The following PLEKHA6 variants were observed in gnomAD, a reference collection of about 807,000 sequenced individuals.
PLEKHA6 encodes the protein pleckstrin homology domain-containing family A member 6.
Under a neutral mutation model 116.7 loss-of-function variants are expected in PLEKHA6, and 60 were observed. The observed-to-expected ratio is 0.51, with a 90% CI of 0.42 to 0.64. PLEKHA6 has a LOEUF of 0.64. PLEKHA6 is among the 30% of genes least tolerant of loss of function. The pLI is 0.00. For missense variants in PLEKHA6, 1,338 were observed against 1,422.7 expected (o/e 0.94, Z 0.96); for synonymous variants, 489 against 556.1 (o/e 0.88, Z 1.70).
chr1:204,281,551 C>T (rs1355868208), intron 1 of PLEKHA6, among the ~76,000 whole-genome samples: 1 of 151,280 alleles, frequency 6.6e-6, no homozygotes, highest in Non-Finnish European at 1.5e-5. Flanking sequence ...CAGAGTAAGA[C>T]CCCTGTCTCT....
chr1:204,340,313 T>C (rs1268639340), intron 1 of PLEKHA6, among the ~76,000 whole-genome samples: 1 of 152,162 alleles, frequency 6.6e-6, no homozygotes, highest in East Asian at 1.9e-4. Flanking sequence ...CCACCCATTA[T>C]CCCGTAATTA....
At chr1:204,331,301 C>T (rs1056551241) in intron 1 of PLEKHA6, among the ~76,000 whole-genome samples, 1 of 151,768 alleles carries the variant, frequency 6.6e-6, no homozygotes, top group Non-Finnish European at 1.5e-5. Flanking sequence ...TAGGTAGGTA[C>T]CAGAAGTGGG....
At chr1:204,359,049 T>C (rs895283362) in intron 1 of PLEKHA6, among the ~76,000 whole-genome samples, 12 of 151,716 alleles carry the variant, frequency 7.9e-5, no homozygotes, top group Non-Finnish European at 2.9e-5. Flanking sequence ...TGCAGCCTGG[T>C]CCCATCATTA....
chr1:204,273,757 C>T lies in PLEKHA6; in HGVS notation c.-13-17G>A, dbSNP rs1470444923. On this transcript the variant is annotated splice_polypyrimidine_tract_variant and intron_variant, in intron 2 of 22. Transcript: ENST00000272203. ...AAGGTCGATCTGATTTCAAGTCGAC[C>T]AGAGAAAAGAGATTGGTGAGATCCA... The T allele has an allele frequency of 1.3e-6, 2 of 1,555,118 alleles. No homozygotes were observed. The highest frequency in any genetic ancestry group is 4.5e-5 in the East Asian group (2 of 44,560).
intron 1 of PLEKHA6, among the ~76,000 whole-genome samples, chr1:204,308,869 T>C (rs534266845): frequency 1.3e-5 from 2 of 151,914 alleles, no homozygotes; most frequent in African/African-American, 2.4e-5. Context: ...TTTTGTATTT[T>C]TAGTAGAGAC....
intron 1 of PLEKHA6, chr1:204,282,749 A>G: frequency 1.0e-6 from 1 of 985,330 alleles, no homozygotes; most frequent in Non-Finnish European, 1.2e-6. Context: ...AAATTGGAGA[A>G]CTGGGGCAAT....
chr1:204,245,641 C>T lies in PLEKHA6; in HGVS notation c.2006G>A (p.Arg669Gln), dbSNP rs374244431. The change falls in exon 14 of 23, where the codon CGG becomes CAG. Residue 669 changes from arginine to glutamine, a missense_variant. Around this residue, in one of 3 missense-constraint regions of PLEKHA6, gnomAD observed 1,136 missense variants for 1,163.6 expected, o/e 0.98. Coordinates refer to ENST00000272203, the MANE Select transcript of PLEKHA6 (RefSeq NM_014935.5). The stretch of plus-strand genomic sequence containing the variant: ...TCTGTGCTTGGCGGTGTCCGTGCCC[C>T]GGGAGGGGTTGTTCTTCCTCAGCCC... ...MEGLRKNNPS[R>Q]GTDTAKHRGG... 39 of 1,612,708 alleles carry T rather than the reference C, an allele frequency of 2.4e-5. No homozygotes were observed. The highest frequency in any genetic ancestry group is 3.3e-4 in the Middle Eastern group (2 of 6,060).
intron 1 of PLEKHA6, among the ~76,000 whole-genome samples, chr1:204,301,887 T>C (rs1029580525): frequency 6.6e-6 from 1 of 152,156 alleles, no homozygotes; most frequent in Non-Finnish European, 1.5e-5. Context: ...CTGATGATTA[T>C]TATGGACTCA....
At chr1:204,256,291 G>A (rs1026496747) in intron 9 of PLEKHA6, among the ~76,000 whole-genome samples, 1 of 152,144 alleles carries the variant, frequency 6.6e-6, no homozygotes, top group Non-Finnish European at 1.5e-5. Flanking sequence ...AAGTTCTCAG[G>A]AGAACAAATT....
At chr1:204,250,472 G>T in intron 10 of PLEKHA6, 74 bp downstream of exon 10, 1 of 1,001,110 alleles carries the variant, frequency 1.0e-6, no homozygotes, top group Non-Finnish European at 1.6e-6. Context: ...GAGATGGATG[G>T]AGAGACAGCC....
At chr1:204,320,044 T>G (rs1209437716) in intron 1 of PLEKHA6, among the ~76,000 whole-genome samples, 3 of 152,046 alleles carry the variant, frequency 2.0e-5, no homozygotes, top group Non-Finnish European at 4.4e-5. Context: ...AGTAGCAGAG[T>G]GGCCTTTCAG....
rs562524197 is a variant in PLEKHA6 at position 204,349,310 on chromosome 1, G to A, written c.-95+10384C>T. On this transcript the variant is annotated intron_variant, in intron 1 of 22. Coordinates refer to ENST00000272203, the MANE Select transcript of PLEKHA6 (RefSeq NM_014935.5). ...TCCCAGCACTTTGGGAGGCCGAGGCGGGCGGATCACTTGAGGTCAGGAGTT... is the reference window on the plus strand; with the variant it reads ...TCCCAGCACTTTGGGAGGCCGAGGCAGGCGGATCACTTGAGGTCAGGAGTT... Among the ~76,000 whole-genome samples, 37 of 152,210 alleles carry A rather than the reference G, an allele frequency of 2.4e-4. No homozygotes were observed. The South Asian group carries it at 4.1e-3, about 17-fold the overall frequency.
At chr1:204,226,096 G>A (rs1463209557) in intron 21 of PLEKHA6, among the ~76,000 whole-genome samples, 6 of 152,224 alleles carry the variant, frequency 3.9e-5, no homozygotes, top group African/African-American at 1.4e-4. Context: ...CACACACACA[G>A]TGTCCTGGGT....
rs114009805 is a variant in PLEKHA6, at chr1:204,265,857, C to T, written c.281-815G>A. On this transcript the variant is annotated intron_variant, in intron 5 of 22. Transcript: ENST00000272203. ...GATTGGGCTAACAGTCCAGCTATTA[C>T]ATAATTCATCCCGGATCTCCAAAGG... Among the ~76,000 whole-genome samples, 1,404 of 152,310 alleles carry T rather than the reference C, an allele frequency of 9.2e-3. 27 individuals are homozygous for T. The highest frequency in any genetic ancestry group is 0.032 in the African/African-American group (1,329 of 41,560).
intron 2 of PLEKHA6, among the ~76,000 whole-genome samples, chr1:204,371,053 CAAAAAA>C (rs34493461): frequency 8.8e-4 from 60 of 68,476 alleles, no homozygotes; most frequent in African/African-American, 3.2e-3. Flanking sequence ...GACTCTGCCT[CAAAAAA>C]AAAAAAAAAA....
rs564878305 is a variant in PLEKHA6 at position 204,268,198 on chromosome 1, G to T, written c.207+10C>A. 285 of 1,583,108 alleles carry T rather than the reference G, an allele frequency of 1.8e-4. No individual in the cohort carries two copies. The highest frequency in any genetic ancestry group is 2.3e-4 in the Non-Finnish European group (269 of 1,155,152). The stretch of plus-strand genomic sequence containing the variant: ...AGGCTACGGTGGCCAGAACCGCAGG[G>T]TGGCCTCACCTGTTTGAAGAGCCAG... On this transcript the variant is annotated intron_variant, in intron 4 of 22. Transcript: ENST00000272203.
Position 204,323,121 on chromosome 1 carries a change from T to C in PLEKHA6, c.-95+36573A>G, listed in dbSNP as rs1672123934. Among the ~76,000 whole-genome samples the C allele has an allele frequency of 2.6e-5, 4 of 152,278 alleles. No individual in the cohort carries two copies. The South Asian group carries it at 8.3e-4, about 31-fold the overall frequency. On this transcript the variant is annotated intron_variant, in intron 1 of 22. Transcript: ENST00000272203. ...ATGTGGCAGGCATTAACTGTGTATC[T>C]ACTATGTGCCACAGCACACTGTGCT...
intron 1 of PLEKHA6, among the ~76,000 whole-genome samples, chr1:204,375,927 T>TTTTTTTTTTTTTTTTTTTGAGACGGA (rs1405738876): frequency 6.6e-6 from 1 of 150,574 alleles, no homozygotes; most frequent in Non-Finnish European, 1.5e-5. Flanking sequence ...CTTTCACTCT[T>TTTTTTTTTTTTTTTTTTTGAGACGGA]GTCTCTCCTC....
intron 1 of PLEKHA6, among the ~76,000 whole-genome samples, chr1:204,331,759 G>A (rs1672457966): frequency 6.6e-6 from 1 of 152,146 alleles, no homozygotes; most frequent in Non-Finnish European, 1.5e-5. Flanking sequence ...GAAAGATGGA[G>A]AGGGCAGTGT....
Sources: gnomAD v4.1 joint callset for allele counts (sites outside exome capture counted in the v4.1 genomes callset) on GRCh38, gnomAD v4.1.1 for gene constraint, gnomAD v4.1.1 regional missense constraint, MANE v1.5 for transcripts, NCBI Gene and HGNC (gene_info 2026-07-23, HGNC 2026-07-21) for gene names.